Variants in FAM78B observed in about 807,000 individuals in gnomAD.
The protein encoded by FAM78B is family with sequence similarity 78 member B.
Under a neutral mutation model 20.0 loss-of-function variants are expected in FAM78B, and 10 were observed. The observed-to-expected ratio is 0.50, with a 90% CI of 0.31 to 0.85. The LOEUF is 0.85. FAM78B is among the 40% of genes least tolerant of loss of function. The probability of loss-of-function intolerance (pLI) is 0.05; values close to 1 mark genes in which losing one functional copy is unlikely to be tolerated. For synonymous variants in FAM78B, 135 were observed against 132.8 expected, an observed-to-expected ratio of 1.02 and a Z score of -0.12; for missense variants, 283 against 345.0, an observed-to-expected ratio of 0.82 and a Z score of 1.42.
At chr1:166,077,661 A>AC (rs1160742334) in intron 1 of FAM78B, among the ~76,000 whole-genome samples, 3 of 91,366 alleles carry the variant, frequency 3.3e-5, no homozygotes, top group African/African-American at 1.0e-4. Context: ...AAATTATAAT[A>AC]AATACATATA....
chr1:166,117,062 A>G (rs975269196), intron 1 of FAM78B, among the ~76,000 whole-genome samples: 1 of 152,210 alleles, frequency 6.6e-6, no homozygotes, highest in African/African-American at 2.4e-5. Flanking sequence ...TACTTTGACA[A>G]CTATATCCTC....
chr1:166,112,370 T>G (rs1654088121), intron 1 of FAM78B, among the ~76,000 whole-genome samples: 1 of 152,156 alleles, frequency 6.6e-6, no homozygotes, highest in Non-Finnish European at 1.5e-5. Flanking sequence ...TTCACCCTGT[T>G]TATTAAAAAG....
intron 1 of FAM78B, among the ~76,000 whole-genome samples, chr1:166,123,681 A>G (rs1486468209): frequency 2.0e-5 from 3 of 152,228 alleles, no homozygotes; most frequent in Non-Finnish European, 2.9e-5. Flanking sequence ...GAAAGTTCCT[A>G]GCAGAAAAGA....
At chr1:166,110,280 AG>A (rs899681110) in intron 1 of FAM78B, among the ~76,000 whole-genome samples, 15 of 152,006 alleles carry the variant, frequency 9.9e-5, no homozygotes, top group Non-Finnish European at 2.2e-4. Flanking sequence ...ATTAAAAAAA[AG>A]AAAGAGAATG....
chr1:166,077,808 TA>T (rs1288130627), intron 1 of FAM78B, among the ~76,000 whole-genome samples: 1 of 125,758 alleles, frequency 8.0e-6, no homozygotes, highest in East Asian at 2.3e-4. Context: ...TATATATTTA[TA>T]TGTAGATTAT....
chr1:166,070,999 T>C (rs576897171), intron 1 of FAM78B, among the ~76,000 whole-genome samples: 60 of 152,156 alleles, frequency 3.9e-4, no homozygotes, highest in Non-Finnish European at 7.2e-4. Context: ...GCTGACCCAA[T>C]TGAGAACAGG....
intron 1 of FAM78B, among the ~76,000 whole-genome samples, chr1:166,076,086 C>CTT (rs1652259912): frequency 6.6e-6 from 1 of 152,198 alleles, no homozygotes; most frequent in Non-Finnish European, 1.5e-5. Flanking sequence ...AACTGGTCTC[C>CTT]TTGCTAATTA....
At chr1:166,153,892 C>T (rs1009895904) in intron 1 of FAM78B, among the ~76,000 whole-genome samples, 27 of 152,200 alleles carry the variant, frequency 1.8e-4, no homozygotes, top group African/African-American at 6.0e-4. Flanking sequence ...TTGCCTAGAC[C>T]TGTTCCCTCC....
At chr1:166,082,018 C>T (rs567912603) in intron 1 of FAM78B, among the ~76,000 whole-genome samples, 8 of 152,320 alleles carry the variant, frequency 5.3e-5, no homozygotes, top group East Asian at 1.9e-4. Flanking sequence ...CTCCTCTATC[C>T]GGGACCATGC....
chr1:166,133,412 G>C (rs909530318), intron 1 of FAM78B, among the ~76,000 whole-genome samples: 1 of 152,162 alleles, frequency 6.6e-6, no homozygotes, highest in Non-Finnish European at 1.5e-5. Flanking sequence ...GAATTTCTTA[G>C]ACAAAACCAA....
chr1:166,145,369 A>G (rs897334331), intron 1 of FAM78B, among the ~76,000 whole-genome samples: 4 of 152,226 alleles, frequency 2.6e-5, no homozygotes, highest in African/African-American at 9.6e-5. Flanking sequence ...CCCTGCCTGA[A>G]GCCTACGTTC....
chr1:166,150,971 G>A (rs1465181962), intron 1 of FAM78B, among the ~76,000 whole-genome samples: 1 of 152,176 alleles, frequency 6.6e-6, no homozygotes, highest in Non-Finnish European at 1.5e-5. Context: ...AGGTAAATCA[G>A]AAATGTTTAG....
Position 166,070,073 on chromosome 1 carries a change from G to A in FAM78B, c.*168C>T, listed in dbSNP as rs1382153133. Reference sequence around the variant, plus strand: ...GGAAGGGATTTTTCCTAAGGATTATGGTTCTACCACCCAAGGAGCAGCCCT... The same window carrying A: ...GGAAGGGATTTTTCCTAAGGATTATAGTTCTACCACCCAAGGAGCAGCCCT... On this transcript the variant is annotated 3_prime_UTR_variant, in exon 2 of 2. Coordinates refer to ENST00000354422, the MANE Select transcript of FAM78B (RefSeq NM_001017961.5). The A allele has an allele frequency of 6.9e-6, 9 of 1,297,576 alleles. No homozygotes were observed. In the African/African-American group the frequency reaches 1.2e-4, roughly 17 times the overall value. 80.4% of individuals were successfully genotyped at this position (1,297,576 alleles called of 1,614,324 possible). A position where few individuals can be genotyped will look rare whatever the true frequency, so the allele number is the denominator to read the frequency against.
chr1:166,099,931 T>C (rs752560664), intron 1 of FAM78B, among the ~76,000 whole-genome samples: 1 of 152,102 alleles, frequency 6.6e-6, no homozygotes, highest in Non-Finnish European at 1.5e-5. Flanking sequence ...ACGGAATTAA[T>C]AGATATACAA....
In FAM78B at chr1:166,097,411, G is replaced by A. The variant is rs902186404; in HGVS notation, c.264-26648C>T. On this transcript the variant is annotated intron_variant, in intron 1 of 1. Coordinates refer to ENST00000354422, the MANE Select transcript of FAM78B (RefSeq NM_001017961.5). ...CAGCATACAGACTGCACAGGCAAGCGGAAGAACCAAGCCCCTTTTCTTCTG... is the reference window on the plus strand; with the variant it reads ...CAGCATACAGACTGCACAGGCAAGCAGAAGAACCAAGCCCCTTTTCTTCTG... Among the ~76,000 whole-genome samples, 4 of 152,206 alleles carry A rather than the reference G, an allele frequency of 2.6e-5. No individual in the cohort carries two copies. The South Asian group carries it at 6.2e-4, about 24-fold the overall frequency.
intron 1 of FAM78B, among the ~76,000 whole-genome samples, chr1:166,105,135 G>C (rs1653717127): frequency 6.6e-6 from 1 of 152,084 alleles, no homozygotes; most frequent in Non-Finnish European, 1.5e-5. Flanking sequence ...ATGGTGCTGG[G>C]AAAACTGGCT....
intron 1 of FAM78B, among the ~76,000 whole-genome samples, chr1:166,080,254 T>TCAAA (rs1652510459): frequency 6.6e-6 from 1 of 152,196 alleles, no homozygotes; most frequent in Non-Finnish European, 1.5e-5. Flanking sequence ...GTTAAAATAT[T>TCAAA]CAAACATTTT....
At chr1:166,097,192 A>G (rs1049094223) in intron 1 of FAM78B, among the ~76,000 whole-genome samples, 1 of 152,236 alleles carries the variant, frequency 6.6e-6, no homozygotes, top group African/African-American at 2.4e-5. Flanking sequence ...ACAGGAGTAG[A>G]GGAAGCAGCA....
At chr1:166,123,495 A>C (rs1234925932) in intron 1 of FAM78B, among the ~76,000 whole-genome samples, 1 of 152,176 alleles carries the variant, frequency 6.6e-6, no homozygotes, top group Non-Finnish European at 1.5e-5. Context: ...GTGCTGTCAG[A>C]GTGACATCTC....
Sources: allele counts gnomAD v4.1 joint callset (sites outside exome capture counted in the v4.1 genomes callset), GRCh38; gene constraint gnomAD v4.1.1; transcripts MANE v1.5; gene names NCBI Gene and HGNC (gene_info 2026-07-23, HGNC 2026-07-21).